Variants in MACO1 observed in about 807,000 individuals in gnomAD.
The protein encoded by MACO1 is macoilin 1, also known as macoilin.
A neutral mutation model predicts 78.7 loss-of-function variants in MACO1; 14 were observed. That is an observed-to-expected ratio of 0.18 (90% CI 0.12 to 0.28). MACO1 has a LOEUF of 0.28. Among genes scored for constraint, MACO1 ranks in the 10% least tolerant of loss-of-function variants. The probability of loss-of-function intolerance (pLI) is 1.00; values close to 1 mark genes in which losing one functional copy is unlikely to be tolerated. For synonymous variants in MACO1, 288 were observed against 291.6 expected, an observed-to-expected ratio of 0.99 and a Z score of 0.12; for missense variants, 501 against 799.0, an observed-to-expected ratio of 0.63 and a Z score of 4.50.
intron 7 of MACO1, among the ~76,000 whole-genome samples, chr1:25,484,910 G>C (rs1415773931): frequency 6.6e-6 from 1 of 152,148 alleles, no homozygotes; most frequent in Admixed American, 6.5e-5. Flanking sequence ...TAACTCAAAA[G>C]CTAGGGCATT....
chr1:25,455,985 C>T (rs1422187723), intron 4 of MACO1, among the ~76,000 whole-genome samples: 1 of 151,944 alleles, frequency 6.6e-6, no homozygotes, highest in African/African-American at 2.4e-5. Flanking sequence ...ACAGGCCAGG[C>T]GTGGTGGCTC....
chr1:25,484,010 T>G (rs1571986103), intron 6 of MACO1, 106 bp from the exon 7 acceptor site: 1 of 1,149,918 alleles, frequency 8.7e-7, no homozygotes. Context: ...GCCAGCGGGG[T>G]CCTTTTTCTG....
intron 6 of MACO1, among the ~76,000 whole-genome samples, chr1:25,463,409 C>A (rs1461778407): frequency 4.6e-5 from 7 of 152,194 alleles, no homozygotes. Flanking sequence ...TTGCCAAAGG[C>A]AGTCTGGAGT....
At chr1:25,432,828 A>G (rs1278667672) in intron 1 of MACO1, among the ~76,000 whole-genome samples, 3 of 152,218 alleles carry the variant, frequency 2.0e-5, no homozygotes, top group Non-Finnish European at 4.4e-5. Flanking sequence ...AAGAAGATTG[A>G]GAGTCCCATA....
At chr1:25,446,479 A>G (rs907968619) in intron 1 of MACO1, among the ~76,000 whole-genome samples, 1 of 152,198 alleles carries the variant, frequency 6.6e-6, no homozygotes, top group Non-Finnish European at 1.5e-5. Flanking sequence ...CACTTAGCAC[A>G]TTTTTAAAAT....
In MACO1 at chr1:25,468,842, G is replaced by T. The variant is rs183115711; in HGVS notation, c.1154+9950G>T. ...TGTTTACACTGAGGAGTGTTTTTTG[G>T]TTTTTTTGTTTTGTTTTGTTTTTGG... On this transcript the variant is annotated intron_variant, in intron 6 of 10. Transcript: ENST00000374343. 2.1e-3 allele frequency among the ~76,000 whole-genome samples: 313 copies of T among 152,052 alleles called. 2 individuals carry two copies. The highest frequency in any genetic ancestry group is 6.5e-3 in the African/African-American group (270 of 41,476).
At chr1:25,492,225 T>C (rs1016800163) in intron 10 of MACO1, among the ~76,000 whole-genome samples, 18 of 152,150 alleles carry the variant, frequency 1.2e-4, no homozygotes, top group African/African-American at 4.3e-4. Context: ...TGAGACCTAC[T>C]TTGTGCCAAG....
intron 8 of MACO1, among the ~76,000 whole-genome samples, chr1:25,486,378 A>G (rs2043431779): frequency 6.6e-6 from 1 of 152,190 alleles, no homozygotes; most frequent in African/African-American, 2.4e-5. Flanking sequence ...ACCACTGGAA[A>G]GTACCCCTGT....
In MACO1 at chr1:25,430,956, C is replaced by T; in HGVS notation, c.-143C>T. On this transcript the variant is annotated 5_prime_UTR_variant, in exon 1 of 11. Coordinates refer to ENST00000374343, the MANE Select transcript of MACO1 (RefSeq NM_018202.6). Reference sequence around the variant, plus strand: ...CGAGCCCCCCCTCCCCGTGCTACCCCCTCCCCCCGGGTGCTGGCTCCATGT... The same window carrying T: ...CGAGCCCCCCCTCCCCGTGCTACCCTCTCCCCCCGGGTGCTGGCTCCATGT... The T allele has an allele frequency of 2.1e-6, 1 of 486,872 alleles. No individual in the cohort carries two copies. The highest frequency in any genetic ancestry group is 3.6e-6 in the Non-Finnish European group (1 of 275,680). 30.2% of individuals were successfully genotyped at this position (486,872 alleles called of 1,614,324 possible).
chr1:25,458,293 A>C lies in MACO1; in HGVS notation c.653-98A>C, dbSNP rs374226041. ...GTGTGCAAACTAATGTGAATTTCTT[A>C]AGTGTAGATAATAGTTTGTTGAATT... is the stretch of plus-strand genomic sequence containing the variant. On this transcript the variant is annotated intron_variant, in intron 5 of 10. Coordinates refer to ENST00000374343, the MANE Select transcript of MACO1 (RefSeq NM_018202.6). 235 of 1,462,970 alleles carry C rather than the reference A, an allele frequency of 1.6e-4. 1 individual carries two copies. The South Asian group carries it at 3.5e-3, about 22-fold the overall frequency. The allele number at this position is 1,462,970 out of a possible 1,614,324, so 90.6% of individuals were successfully genotyped here.
intron 3 of MACO1, among the ~76,000 whole-genome samples, chr1:25,449,757 G>A (rs561533904): frequency 2.0e-5 from 3 of 152,142 alleles, no homozygotes; most frequent in Non-Finnish European, 4.4e-5. Context: ...AGTGGCTCAC[G>A]CCTGTAATCC....
rs115013070 is a variant in MACO1 at position 25,472,197 on chromosome 1, A to T, written c.1155-11919A>T. ...TACAGCTCAGATCCCACATTAAAAA[A>T]ATATATATATTATACTTTGAGTTCT... On this transcript the variant is annotated intron_variant, in intron 6 of 10. Transcript: ENST00000374343. Among the ~76,000 whole-genome samples, 852 of 152,074 alleles carry T rather than the reference A, an allele frequency of 5.6e-3. 10 individuals are homozygous for T. Among genetic ancestry groups the T allele is most frequent in the African/African-American group, 0.019 (801 of 41,386 alleles).
intron 6 of MACO1, among the ~76,000 whole-genome samples, chr1:25,464,665 C>CG (rs1209027106): frequency 1.1e-4 from 11 of 99,462 alleles, no homozygotes; most frequent in Non-Finnish European, 1.9e-4. Context: ...CCCCCACCCC[C>CG]CCCCTCCGCG....
At chr1:25,431,471 C>G (rs1002715508) in intron 1 of MACO1, among the ~76,000 whole-genome samples, 1 of 151,154 alleles carries the variant, frequency 6.6e-6, no homozygotes, top group Non-Finnish European at 1.5e-5. Flanking sequence ...GCGGAGAGCC[C>G]CCAACCAGCC....
chr1:25,499,910 A>G lies in MACO1; in HGVS notation c.*1444A>G, dbSNP rs1289757230. 6.6e-6 allele frequency: 1 copy of G among 152,204 alleles called. No homozygotes were observed. Among genetic ancestry groups the G allele is most frequent in the East Asian group, 1.9e-4 (1 of 5,202 alleles). 9.4% of individuals were successfully genotyped at this position (152,204 alleles called of 1,614,324 possible). ...AGTATTAAAAAGAATCATCCTTTAA[A>G]TCACAGATCTTATTTTGAGATTAAA... On this transcript the variant is annotated 3_prime_UTR_variant, in exon 11 of 11. Transcript: ENST00000374343.
rs887733591 is a variant in MACO1, at chr1:25,470,535, G to A, written c.1154+11643G>A. On this transcript the variant is annotated intron_variant, in intron 6 of 10. Coordinates refer to ENST00000374343, the MANE Select transcript of MACO1 (RefSeq NM_018202.6). ...ACCCAGGGGCAGGTGGCCTTTCATG[G>A]AGGATTCCATCCTTCTCCCAAGGCC... 4.6e-5 allele frequency among the ~76,000 whole-genome samples: 7 copies of A among 152,324 alleles called. No individual in the cohort carries two copies. The East Asian group carries it at 1.2e-3, about 25-fold the overall frequency.
At position 25,454,434 on chromosome 1, in the gene MACO1, ATATATGTGTG is replaced by A. The variant is rs1307369157; in HGVS notation, c.473+54_473+63del. The A allele has an allele frequency of 5.2e-6, 4 of 773,734 alleles. No homozygotes were observed. In the African/African-American group the frequency reaches 1.1e-4, roughly 22 times the overall value. The allele number at this position is 773,734 out of a possible 1,614,324, so 47.9% of individuals were successfully genotyped here. A position where few individuals can be genotyped will look rare whatever the true frequency, so the allele number is the denominator to read the frequency against. ...TGTGTGTGTATATGTGTGTATGTAT[ATATATGTGTG>A]TGTGTGTGTGTGTGTGTGTGTGTGT... On this transcript the variant is annotated intron_variant, in intron 4 of 10. Transcript: ENST00000374343.
chr1:25,498,497 G>A lies in MACO1; in HGVS notation c.*31G>A, dbSNP rs374304034. On this transcript the variant is annotated 3_prime_UTR_variant, in exon 11 of 11. Coordinates refer to ENST00000374343, the MANE Select transcript of MACO1 (RefSeq NM_018202.6). Reference sequence around the variant, plus strand: ...AGCTGTGTGTTGTGCCCAAAAATTTGGTTACCGGAAGGCATTGCAAAGGAG... The same window carrying A: ...AGCTGTGTGTTGTGCCCAAAAATTTAGTTACCGGAAGGCATTGCAAAGGAG... The A allele has an allele frequency of 7.7e-6, 12 of 1,560,924 alleles. No individual in the cohort carries two copies. The highest frequency in any genetic ancestry group is 4.5e-5 in the East Asian group (2 of 44,462).
intron 1 of MACO1, among the ~76,000 whole-genome samples, chr1:25,446,001 A>T (rs1484180384): frequency 2.0e-5 from 3 of 152,106 alleles, no homozygotes; most frequent in Non-Finnish European, 4.4e-5. Context: ...TCCTTGTTTG[A>T]CCTACTGCAG....
Sources: gnomAD v4.1 joint callset for allele counts (sites outside exome capture counted in the v4.1 genomes callset) on GRCh38, gnomAD v4.1.1 for gene constraint, MANE v1.5 for transcripts, NCBI Gene and HGNC (gene_info 2026-07-23, HGNC 2026-07-21) for gene names.